The following CSGALNACT1 variants were observed in gnomAD, a reference collection of about 807,000 sequenced individuals.
The protein encoded by CSGALNACT1 is beta4GalNAcT-1.
In CSGALNACT1, 52 loss-of-function variants were observed where a neutral mutation model predicts 51.0. The ratio of observed to expected loss-of-function variants is 1.02; its 90% CI spans 0.82 to 1.29. CSGALNACT1 has a LOEUF of 1.29. Ranked by LOEUF, CSGALNACT1 falls within the 50% of genes most tolerant of loss-of-function variation. The probability of loss-of-function intolerance (pLI) is 0.00; values close to 1 mark genes in which losing one functional copy is unlikely to be tolerated. For synonymous variants in CSGALNACT1, 341 were observed against 254.4 expected (o/e 1.34, Z -3.24); for missense variants, 935 against 679.2 (o/e 1.38, Z -4.19).
At chr8:19,526,957 T>G (rs188646000) in intron 3 of CSGALNACT1, among the ~76,000 whole-genome samples, 11 of 152,346 alleles carry the variant, frequency 7.2e-5, no homozygotes, top group Non-Finnish European at 1.0e-4. Flanking sequence ...AATGCTATGT[T>G]AAAGTCTCAT....
At chr8:19,585,501 G>A (rs184903821) in intron 3 of CSGALNACT1, among the ~76,000 whole-genome samples, 3 of 152,244 alleles carry the variant, frequency 2.0e-5, no homozygotes, top group African/African-American at 4.8e-5. Context: ...AGATTCCTCC[G>A]ACTTCATCTC....
chr8:19,656,540 C>T (rs760912828), intron 1 of CSGALNACT1, among the ~76,000 whole-genome samples: 3 of 151,694 alleles, frequency 2.0e-5, no homozygotes, highest in Non-Finnish European at 2.9e-5. Context: ...AAAACACACA[C>T]GTGTACGCGC....
intron 1 of CSGALNACT1, among the ~76,000 whole-genome samples, chr8:19,706,012 T>C (rs1213485853): frequency 6.6e-6 from 1 of 152,048 alleles, no homozygotes; most frequent in African/African-American, 2.4e-5. Context: ...GGCAAAAAAA[T>C]CTGGAGGTGC....
intron 1 of CSGALNACT1, among the ~76,000 whole-genome samples, chr8:19,712,086 C>A (rs12674550): frequency 6.6e-6 from 1 of 152,078 alleles, no homozygotes; most frequent in African/African-American, 2.4e-5. Flanking sequence ...AGTGCAGTGG[C>A]GCGATCTCGG....
At chr8:19,734,459 A>G (rs1563172452) in intron 1 of CSGALNACT1, among the ~76,000 whole-genome samples, 1 of 152,216 alleles carries the variant, frequency 6.6e-6, no homozygotes, top group Non-Finnish European at 1.5e-5. Context: ...AGCTGTGCCT[A>G]TACTTCCTTT....
At chr8:19,414,772 A>G (rs1368652132) in intron 8 of CSGALNACT1, among the ~76,000 whole-genome samples, 1 of 152,218 alleles carries the variant, frequency 6.6e-6, no homozygotes, top group Non-Finnish European at 1.5e-5. Flanking sequence ...ACTAACTTTC[A>G]TTAGAGCAGC....
chr8:19,469,481 T>C (rs1006729426), intron 4 of CSGALNACT1, among the ~76,000 whole-genome samples: 1 of 152,158 alleles, frequency 6.6e-6, no homozygotes, highest in Non-Finnish European at 1.5e-5. Flanking sequence ...TCAATAAGTT[T>C]CAGGGGTGTA....
At chr8:19,640,694 C>T (rs1197949075) in intron 1 of CSGALNACT1, among the ~76,000 whole-genome samples, 1 of 152,192 alleles carries the variant, frequency 6.6e-6, no homozygotes, top group Non-Finnish European at 1.5e-5. Flanking sequence ...AACTTTGCTT[C>T]AGAAGTTTTT....
chr8:19,610,236 G>C (rs1183941618), intron 1 of CSGALNACT1, among the ~76,000 whole-genome samples: 1 of 138,110 alleles, frequency 7.2e-6, no homozygotes, highest in African/African-American at 2.9e-5. Context: ...GTTCCAGTGA[G>C]CCAAAATTGT....
At chr8:19,494,333 C>T (rs901311623) in intron 4 of CSGALNACT1, among the ~76,000 whole-genome samples, 7 of 152,204 alleles carry the variant, frequency 4.6e-5, no homozygotes, top group African/African-American at 1.7e-4. Flanking sequence ...TTGGCCTACA[C>T]CAATTCTACA....
At chr8:19,433,943 C>T (rs1461465531) in intron 6 of CSGALNACT1, among the ~76,000 whole-genome samples, 1 of 152,138 alleles carries the variant, frequency 6.6e-6, no homozygotes, top group Non-Finnish European at 1.5e-5. Context: ...GGCTGCCAGG[C>T]TGTGGTGATC....
At chr8:19,467,025 C>A (rs7003151) in intron 4 of CSGALNACT1, among the ~76,000 whole-genome samples, 20,856 of 151,666 alleles carry the variant, frequency 0.14, 1,496 homozygotes, top group Middle Eastern at 0.22. Flanking sequence ...GCTGACAAAT[C>A]CAGTATCTGG....
At chr8:19,731,605 CACA>C (rs1186344873) in intron 1 of CSGALNACT1, among the ~76,000 whole-genome samples, 2 of 152,186 alleles carry the variant, frequency 1.3e-5, no homozygotes, top group African/African-American at 4.8e-5. Context: ...CCATCTTGAA[CACA>C]ACACCTCCAA....
intron 2 of CSGALNACT1, among the ~76,000 whole-genome samples, chr8:19,599,516 G>GA (rs1554751447): frequency 1.7e-5 from 2 of 119,198 alleles, no homozygotes; most frequent in African/African-American, 6.2e-5. Flanking sequence ...AAGAAAGAAA[G>GA]AAAGAAAGAA....
At chr8:19,596,340 T>C (rs1308012242) in intron 2 of CSGALNACT1, among the ~76,000 whole-genome samples, 2 of 152,134 alleles carry the variant, frequency 1.3e-5, no homozygotes, top group African/African-American at 2.4e-5. Context: ...GTTAGTGTGA[T>C]GAGGGGGAAA....
chr8:19,428,858 T>A (rs2059211010), intron 6 of CSGALNACT1, among the ~76,000 whole-genome samples: 2 of 151,316 alleles, frequency 1.3e-5, no homozygotes, highest in Non-Finnish European at 1.5e-5. Context: ...TGTGTGTGTG[T>A]GTGTGTGTGT....
At chr8:19,620,430 C>CTTTTTTTT (rs35123924) in intron 1 of CSGALNACT1, among the ~76,000 whole-genome samples, 2 of 142,116 alleles carry the variant, frequency 1.4e-5, no homozygotes. Flanking sequence ...GGAAAAGAAT[C>CTTTTTTTT]TTTTTTTTTT....
intron 4 of CSGALNACT1, among the ~76,000 whole-genome samples, chr8:19,484,326 G>A: frequency 6.6e-6 from 1 of 152,182 alleles, no homozygotes; most frequent in East Asian, 1.9e-4. Flanking sequence ...GGAAAGCTTA[G>A]TATAAAGAGG....
chr8:19,599,836 G>A (rs1044805682), intron 2 of CSGALNACT1, among the ~76,000 whole-genome samples: 1 of 152,270 alleles, frequency 6.6e-6, no homozygotes, highest in East Asian at 1.9e-4. Flanking sequence ...AGAAACCAAC[G>A]TGCACATTGA....
Sources: gnomAD v4.1 joint callset for allele counts (sites outside exome capture counted in the v4.1 genomes callset) on GRCh38, gnomAD v4.1.1 for gene constraint, MANE v1.5 for transcripts, NCBI Gene and HGNC (gene_info 2026-07-23, HGNC 2026-07-21) for gene names.